DIAPH2: variants seen among roughly 807,000 people sequenced by gnomAD.
DIAPH2 encodes diaphanous related formin 2.
Under a neutral mutation model 92.7 loss-of-function variants are expected in DIAPH2, and 35 were observed. The observed-to-expected ratio is 0.38, with a 90% confidence interval of 0.29 to 0.50. The LOEUF is 0.50. DIAPH2 is among the 20% of genes least tolerant of loss of function. DIAPH2 has a pLI of 0.94. For missense variants in DIAPH2, 701 were observed against 819.5 expected (o/e 0.86, Z 1.77); for synonymous variants, 301 against 280.4 (o/e 1.07, Z -0.73).
chrX:96,734,851 A>C (rs1274179668), intron 1 of DIAPH2, among the ~76,000 whole-genome samples: 3 of 105,371 alleles, frequency 2.8e-5, no homozygotes, highest in Admixed American at 1.0e-4. Flanking sequence ...AGAAGACCCT[A>C]TTTTTTTTTT....
At chrX:96,930,894 C>A (rs746696551) in intron 10 of DIAPH2, 51 bp downstream of exon 10, 1 of 1,108,020 alleles carries the variant, frequency 9.0e-7, no homozygotes. Context: ...AAATTTTTTT[C>A]ACTTCCACAA....
chrX:97,483,499 A>G (rs1490685049), intron 26 of DIAPH2, among the ~76,000 whole-genome samples: 1 of 112,336 alleles, frequency 8.9e-6, no homozygotes, highest in Non-Finnish European at 1.9e-5. Flanking sequence ...ATTCCATTTA[A>G]GAACCTAAAC....
chrX:97,115,599 C>G (rs2067011335), intron 21 of DIAPH2, among the ~76,000 whole-genome samples: 2 of 111,331 alleles, frequency 1.8e-5, no homozygotes, highest in South Asian at 7.5e-4. Flanking sequence ...TTACTTATAT[C>G]GTTCTAAAAA....
intron 26 of DIAPH2, among the ~76,000 whole-genome samples, chrX:97,458,669 A>C (rs2070431475): frequency 9.0e-6 from 1 of 111,534 alleles, no homozygotes; most frequent in Non-Finnish European, 1.9e-5. Context: ...TTGTTATATT[A>C]GCAGCCACTG....
At chrX:97,510,049 G>GT (rs1157737949) in intron 26 of DIAPH2, among the ~76,000 whole-genome samples, 1 of 110,883 alleles carries the variant, frequency 9.0e-6, no homozygotes, top group Non-Finnish European at 1.9e-5. Flanking sequence ...GGATCAAATG[G>GT]TATTTCTAGT....
chrX:97,333,932 C>T (rs959918254), intron 23 of DIAPH2, among the ~76,000 whole-genome samples: 1 of 110,772 alleles, frequency 9.0e-6, no homozygotes, highest in Non-Finnish European at 1.9e-5. Context: ...CAGATGCTCT[C>T]CCTATGTCCA....
chrX:97,445,185 G>A (rs1005500622), intron 26 of DIAPH2, among the ~76,000 whole-genome samples: 3 of 111,046 alleles, frequency 2.7e-5, no homozygotes, highest in Non-Finnish European at 5.7e-5. Flanking sequence ...GGCTTATTTA[G>A]AACTGAAACT....
intron 23 of DIAPH2, among the ~76,000 whole-genome samples, chrX:97,301,314 C>T (rs147849655): frequency 0.022 from 2,437 of 110,411 alleles, 86 homozygotes; most frequent in African/African-American, 0.077. Context: ...ACATTTAAAC[C>T]AAATATTTGT....
chrX:97,027,789 T>C (rs2066345381), intron 17 of DIAPH2, among the ~76,000 whole-genome samples: 1 of 112,242 alleles, frequency 8.9e-6, no homozygotes, highest in Non-Finnish European at 1.9e-5. Flanking sequence ...TGGACTTACA[T>C]AAAGAGCAGC....
chrX:96,956,700 C>T (rs1421950435), intron 15 of DIAPH2, among the ~76,000 whole-genome samples: 1 of 111,741 alleles, frequency 8.9e-6, no homozygotes, highest in African/African-American at 3.3e-5. Context: ...TATTCCAGTT[C>T]CCAACAAGTT....
At chrX:97,510,791 C>G (rs1398533509) in intron 26 of DIAPH2, among the ~76,000 whole-genome samples, 2 of 94,022 alleles carry the variant, frequency 2.1e-5, no homozygotes, top group African/African-American at 7.6e-5. Context: ...GCTTGTTTTT[C>G]TCAGGTTTGT....
rs866387491 is a variant in DIAPH2 at position 97,597,083 on chromosome X, T to C, written c.3242-2170T>C. On this transcript the variant is annotated intron_variant, in intron 26 of 26. Transcript: ENST00000324765. ...TTTTCATAAACGTTGTAGGTTGACA[T>C]TGTGAAAATGTAAGTGGCAACTTTT... Among the ~76,000 whole-genome samples, 3 of 112,316 alleles carry C rather than the reference T, an allele frequency of 2.7e-5. No homozygotes were observed. The South Asian group carries it at 1.1e-3, about 42-fold the overall frequency.
chrX:97,297,218 A>G (rs2068652607), intron 23 of DIAPH2, among the ~76,000 whole-genome samples: 1 of 107,661 alleles, frequency 9.3e-6, no homozygotes, highest in Admixed American at 1.0e-4. Context: ...GCGACAACTC[A>G]TAAGAGAAAC....
chrX:97,474,759 C>A (rs1481276123), intron 26 of DIAPH2, among the ~76,000 whole-genome samples: 2 of 80,140 alleles, frequency 2.5e-5, no homozygotes, highest in South Asian at 6.5e-4. Context: ...GAGCATGACT[C>A]CATCTCAAAA....
At chrX:97,424,453 G>A (rs2070041053) in intron 25 of DIAPH2, among the ~76,000 whole-genome samples, 1 of 111,216 alleles carries the variant, frequency 9.0e-6, no homozygotes, top group Non-Finnish European at 1.9e-5. Flanking sequence ...GGCATTAAAT[G>A]TTAACAATAG....
intron 1 of DIAPH2, among the ~76,000 whole-genome samples, chrX:96,715,454 G>A (rs1375108950): frequency 9.0e-6 from 1 of 111,242 alleles, no homozygotes; most frequent in African/African-American, 3.3e-5. Flanking sequence ...AGCTATTAAT[G>A]GAGTCAAATG....
intron 25 of DIAPH2, among the ~76,000 whole-genome samples, chrX:97,428,529 C>G (rs2070094294): frequency 1.9e-5 from 2 of 106,085 alleles, no homozygotes; most frequent in South Asian, 8.6e-4. Context: ...GAGCGAAACT[C>G]TGTCTCAAAA....
chrX:97,095,755 T>G (rs2066863969), intron 19 of DIAPH2, among the ~76,000 whole-genome samples: 1 of 111,843 alleles, frequency 8.9e-6, no homozygotes, highest in Non-Finnish European at 1.9e-5. Context: ...ACAGAATAAT[T>G]GCAGAAATGT....
chrX:97,435,053 G>A (rs190204448), intron 26 of DIAPH2, among the ~76,000 whole-genome samples: 3 of 111,545 alleles, frequency 2.7e-5, no homozygotes, highest in African/African-American at 9.8e-5. Context: ...AACAAAGGAA[G>A]AGGGAAGTCC....
Sources: allele counts gnomAD v4.1 joint callset (sites outside exome capture counted in the v4.1 genomes callset), GRCh38; gene constraint gnomAD v4.1.1; transcripts MANE v1.5; gene names NCBI Gene and HGNC (gene_info 2026-07-23, HGNC 2026-07-21).